MSRA: variants seen among roughly 807,000 people sequenced by gnomAD.
The protein encoded by MSRA is mitochondrial peptide methionine sulfoxide reductase.
A neutral mutation model predicts 31.3 loss-of-function variants in MSRA; 54 were observed. The observed-to-expected ratio is 1.73, with a 90% CI of 1.39 to 2.17. The LOEUF (loss-of-function observed/expected upper bound fraction) is 2.17. Ranked by LOEUF, MSRA falls within the 30% of genes most tolerant of loss-of-function variation. The pLI, the probability that MSRA is intolerant of heterozygous loss-of-function variation, is 0.00. For missense variants in MSRA, 507 were observed against 300.9 expected (o/e 1.69, Z -5.07); for synonymous variants, 169 against 116.5 (o/e 1.45, Z -2.90).
chr8:10,389,676 C>T (rs954815566), intron 5 of MSRA, among the ~76,000 whole-genome samples: 2 of 151,166 alleles, frequency 1.3e-5, no homozygotes, highest in Admixed American at 6.6e-5. Context: ...GCCATCCTCT[C>T]TCCAGTCCTG....
At chr8:10,135,615 A>C (rs1456530066) in intron 1 of MSRA, among the ~76,000 whole-genome samples, 1 of 152,230 alleles carries the variant, frequency 6.6e-6, no homozygotes, top group Non-Finnish European at 1.5e-5. Flanking sequence ...CAAGCATATA[A>C]CATGCACACC....
At chr8:10,157,270 G>C (rs1804234914) in intron 1 of MSRA, among the ~76,000 whole-genome samples, 1 of 152,086 alleles carries the variant, frequency 6.6e-6, no homozygotes, top group Non-Finnish European at 1.5e-5. Flanking sequence ...GTTTAAGTGT[G>C]AAAAGAAGAC....
chr8:10,370,968 A>C (rs1485427386), intron 5 of MSRA, among the ~76,000 whole-genome samples: 1 of 152,176 alleles, frequency 6.6e-6, no homozygotes, highest in Non-Finnish European at 1.5e-5. Flanking sequence ...GACGTGTCTG[A>C]AGTGTGATCC....
At chr8:10,072,781 T>G (rs1354782587) in intron 1 of MSRA, among the ~76,000 whole-genome samples, 3 of 152,348 alleles carry the variant, frequency 2.0e-5, no homozygotes, top group Middle Eastern at 3.4e-3. Flanking sequence ...TCATCAGCGT[T>G]TTGTAATTCT....
chr8:10,082,382 G>A (rs1171185286), intron 1 of MSRA, among the ~76,000 whole-genome samples: 1 of 152,080 alleles, frequency 6.6e-6, no homozygotes, highest in African/African-American at 2.4e-5. Context: ...TGCTGCCAAG[G>A]CAGCCTCATT....
chr8:10,386,392 A>T (rs1806393596), intron 5 of MSRA, among the ~76,000 whole-genome samples: 5 of 152,188 alleles, frequency 3.3e-5, no homozygotes, highest in Admixed American at 2.6e-4. Flanking sequence ...ATGAACAGAT[A>T]TACCTGAAGC....
rs201494978 is a variant in MSRA at position 10,180,925 on chromosome 8, A to T, written c.143-26908A>T. On this transcript the variant is annotated intron_variant, in intron 1 of 5. Transcript: ENST00000317173. ...TTTTGAAATTGGAAAATTCTGTTTTAGTTGACTTCCTGGACTTTACCTCTT... is the reference window on the plus strand; with the variant it reads ...TTTTGAAATTGGAAAATTCTGTTTTTGTTGACTTCCTGGACTTTACCTCTT... 3.9e-5 allele frequency among the ~76,000 whole-genome samples: 6 copies of T among 152,304 alleles called. No individual in the cohort carries two copies. In the East Asian group the frequency reaches 1.2e-3, roughly 29 times the overall value.
At chr8:10,099,695 G>T (rs866566363) in intron 1 of MSRA, among the ~76,000 whole-genome samples, 1 of 152,180 alleles carries the variant, frequency 6.6e-6, no homozygotes, top group Non-Finnish European at 1.5e-5. Flanking sequence ...TCTGTTGCTG[G>T]CTATGGGTTT....
At chr8:10,293,824 G>C (rs969151663) in intron 3 of MSRA, among the ~76,000 whole-genome samples, 1 of 152,118 alleles carries the variant, frequency 6.6e-6, no homozygotes, top group African/African-American at 2.4e-5. Context: ...CAGGTGCTGG[G>C]ACACAGGAGA....
chr8:10,349,771 A>G lies in MSRA; in HGVS notation c.543+29782A>G, dbSNP rs535658541. Among the ~76,000 whole-genome samples the G allele has an allele frequency of 3.3e-3, 496 of 152,340 alleles. 2 individuals are homozygous for G. Among genetic ancestry groups the G allele is most frequent in the Admixed American group, 5.0e-3 (77 of 15,306 alleles). The stretch of plus-strand genomic sequence containing the variant: ...CTCTTTTAGGTCTAAGAAAACGGCC[A>G]TCTCCCCGTTGCTGTTTTGGCCCCT... On this transcript the variant is annotated intron_variant, in intron 5 of 5. Transcript: ENST00000317173.
At chr8:10,409,842 A>G (rs1217902835) in intron 5 of MSRA, among the ~76,000 whole-genome samples, 1 of 152,224 alleles carries the variant, frequency 6.6e-6, no homozygotes, top group Non-Finnish European at 1.5e-5. Flanking sequence ...TGGGAGGATC[A>G]CTTAAGGCTA....
chr8:10,377,297 C>G (rs1805809804), intron 5 of MSRA, among the ~76,000 whole-genome samples: 1 of 152,276 alleles, frequency 6.6e-6, no homozygotes, highest in African/African-American at 2.4e-5. Flanking sequence ...TGGCCTGAAG[C>G]CCCTTTAAGG....
intron 1 of MSRA, among the ~76,000 whole-genome samples, chr8:10,084,179 C>T (rs994419415): frequency 1.3e-5 from 2 of 152,244 alleles, no homozygotes; most frequent in African/African-American, 4.8e-5. Context: ...CTTCCAAGTT[C>T]TGATTTCTGG....
chr8:10,248,409 C>T (rs960462800), intron 3 of MSRA, among the ~76,000 whole-genome samples: 41 of 152,120 alleles, frequency 2.7e-4, no homozygotes, highest in Admixed American at 1.2e-3. Flanking sequence ...GCTTTACCAC[C>T]GCTCTGTGCA....
At chr8:10,098,902 G>A (rs191118030) in intron 1 of MSRA, among the ~76,000 whole-genome samples, 13 of 152,348 alleles carry the variant, frequency 8.5e-5, no homozygotes, top group Admixed American at 5.2e-4. Context: ...TGGCTGCAAC[G>A]TAAACAACAG....
rs561693216 is a variant in MSRA, at chr8:10,072,025, G to A, written c.142+17367G>A. On this transcript the variant is annotated intron_variant, in intron 1 of 5. Transcript: ENST00000317173. ...TGGTCTGCCTACGAGCACCCCTTTT[G>A]TACTGCAACTAAGGGACCCTGTTTC... 2.6e-5 allele frequency among the ~76,000 whole-genome samples: 4 copies of A among 152,010 alleles called. No homozygotes were observed. The South Asian group carries it at 6.2e-4, about 24-fold the overall frequency.
At chr8:10,082,299 TG>T (rs1798334754) in intron 1 of MSRA, among the ~76,000 whole-genome samples, 1 of 151,960 alleles carries the variant, frequency 6.6e-6, no homozygotes, top group African/African-American at 2.4e-5. Flanking sequence ...TCCTGAAGAC[TG>T]GGGAAGGAGT....
At chr8:10,302,046 G>A (rs375284693) in intron 4 of MSRA, among the ~76,000 whole-genome samples, 11 of 152,234 alleles carry the variant, frequency 7.2e-5, no homozygotes, top group African/African-American at 2.6e-4. Context: ...GTCTTTTGAC[G>A]TTATCAGGTT....
intron 1 of MSRA, among the ~76,000 whole-genome samples, chr8:10,105,484 T>C (rs982898421): frequency 1.1e-4 from 16 of 152,232 alleles, no homozygotes; most frequent in African/African-American, 3.4e-4. Flanking sequence ...GCATCCATCA[T>C]TGAATTAAAG....
Sources: gnomAD v4.1 joint callset for allele counts (sites outside exome capture counted in the v4.1 genomes callset) on GRCh38, gnomAD v4.1.1 for gene constraint, MANE v1.5 for transcripts, NCBI Gene and HGNC (gene_info 2026-07-23, HGNC 2026-07-21) for gene names.